Variants in CBLIF observed in about 807,000 individuals in gnomAD.
The protein encoded by CBLIF is gastric intrinsic factor (vitamin B synthesis).
Under a neutral mutation model 44.9 loss-of-function variants are expected in CBLIF, and 24 were observed. The ratio of observed to expected loss-of-function variants is 0.53; its 90% CI spans 0.39 to 0.75. The LOEUF is 0.75. CBLIF is among the 30% of genes least tolerant of loss of function. The probability of loss-of-function intolerance (pLI) is 0.00; values close to 1 mark genes in which losing one functional copy is unlikely to be tolerated. For synonymous variants in CBLIF, 183 were observed against 190.9 expected (o/e 0.96, Z 0.34); for missense variants, 481 against 513.0 (o/e 0.94, Z 0.60).
chr11:59,833,376 G>A (rs1054744544), intron 7 of CBLIF, among the ~76,000 whole-genome samples: 1 of 152,046 alleles, frequency 6.6e-6, no homozygotes. Flanking sequence ...AATTAGCAGG[G>A]CATCGTGGCG....
rs758995474 is a variant in CBLIF, at chr11:59,842,492, G to A, written c.462C>T (p.Ala154=). The A allele has an allele frequency of 3.3e-5, 53 of 1,613,758 alleles. No homozygotes were observed. The Admixed American group carries it at 5.2e-4, about 16-fold the overall frequency. The change falls in exon 4 of 9, where the codon GCC becomes GCT. Residue 154 remains alanine (A), a synonymous_variant. Transcript: ENST00000257248. ...QKNSEATLPI[A]VRFAKTLLAN... ...CCAGCAGGGTCTTGGCAAAGCGGACGGCTATCGGCAAGGTCGCCTCAGAGT... is the reference window on the plus strand; with the variant it reads ...CCAGCAGGGTCTTGGCAAAGCGGACAGCTATCGGCAAGGTCGCCTCAGAGT...
In CBLIF at chr11:59,843,879, C is replaced by T. The variant is rs777817397; in HGVS notation, c.256G>A (p.Asp86Asn). Residue 86 changes from aspartate to asparagine, a missense_variant and splice_region_variant, in exon 2 of 9, where the codon GAT becomes AAT. Transcript: ENST00000257248. Reference sequence around the variant, plus strand: ...AGTGCGAGCGGCTCAGATGTCTCACCGTTGTTGTCGCTGGACATGAGCTGG... The same window carrying T: ...AGTGCGAGCGGCTCAGATGTCTCACTGTTGTTGTCGCTGGACATGAGCTGG... ...TYQLMSSDNN[D>N]LTIGQLGLTI... 10 of 1,610,578 alleles carry T rather than the reference C, an allele frequency of 6.2e-6. No homozygotes were observed. The highest frequency in any genetic ancestry group is 5.3e-5 in the African/African-American group (4 of 74,788).
At position 59,834,549 on chromosome 11, in the gene CBLIF, C is replaced by T. The variant is rs534925969; in HGVS notation, c.1073+1259G>A. On this transcript the variant is annotated intron_variant, in intron 7 of 8. Coordinates refer to ENST00000257248, the MANE Select transcript of CBLIF (RefSeq NM_005142.3). The stretch of plus-strand genomic sequence containing the variant: ...CTGGGACCACAGGCACGCACCACCA[C>T]GCCTGGCTAATTTTTGTACTTTTAG... Among the ~76,000 whole-genome samples, 7 of 151,612 alleles carry T rather than the reference C, an allele frequency of 4.6e-5. No individual in the cohort carries two copies. The East Asian group carries it at 9.7e-4, about 21-fold the overall frequency.
intron 2 of CBLIF, among the ~76,000 whole-genome samples, chr11:59,843,615 A>T (rs1565210330): frequency 1.3e-5 from 2 of 152,186 alleles, no homozygotes; most frequent in Non-Finnish European, 2.9e-5. Flanking sequence ...TCCCAGAGTT[A>T]TGACGTGGCA....
In CBLIF at chr11:59,829,335, T is replaced by C. The variant is rs913333945; in HGVS notation, c.*149A>G. On this transcript the variant is annotated 3_prime_UTR_variant, in exon 9 of 9. Transcript: ENST00000257248. ...TGTTGAGACTCCAGTGAACTTTGCA[T>C]TTTTATTCTACATAGTGGTTCTCCA... 2.3e-5 allele frequency: 15 copies of C among 665,148 alleles called. No individual in the cohort carries two copies. Among genetic ancestry groups the C allele is most frequent in the Non-Finnish European group, 3.9e-5 (14 of 355,896 alleles). 41.2% of individuals were successfully genotyped at this position (665,148 alleles called of 1,614,324 possible). A position where few individuals can be genotyped will look rare whatever the true frequency, so the allele number is the denominator to read the frequency against.
chr11:59,842,528 C>A lies in CBLIF; in HGVS notation c.426G>T (p.Leu142=), dbSNP rs1590860065. The A allele has an allele frequency of 6.2e-7, 1 of 1,613,978 alleles. No individual in the cohort carries two copies. The highest frequency in any genetic ancestry group is 8.5e-7 in the Non-Finnish European group (1 of 1,179,988). ...FYGPSLAILA[L]CQKNSEATLP... ...AGGTCGCCTCAGAGTTCTTCTGGCA[C>A]AGTGCCAAGATCGCTAGACTGGGCC... Residue 142 remains leucine (L), a synonymous_variant, in exon 4 of 9, where the codon CTG becomes CTT. Transcript: ENST00000257248.
At position 59,837,178 on chromosome 11, in the gene CBLIF, A is replaced by C; in HGVS notation, c.867T>G (p.Ser289Arg). The C allele has an allele frequency of 6.2e-7, 1 of 1,612,066 alleles. No individual in the cohort carries two copies. Among genetic ancestry groups the C allele is most frequent in the Non-Finnish European group, 8.5e-7 (1 of 1,178,104 alleles). ...TYLDVPQVTC[S>R]PDHEVQPTLP... ...AAGGAGAGGTGGATGTCTTACCAGGACTACAAGTGACCTGGGGCACATCTA... is the reference window on the plus strand; with the variant it reads ...AAGGAGAGGTGGATGTCTTACCAGGCCTACAAGTGACCTGGGGCACATCTA... The change falls in exon 6 of 9, where the codon AGT becomes AGG. Residue 289 changes from serine to arginine, a missense_variant. Transcript: ENST00000257248.
chr11:59,835,721 GAAA>G (rs544589103), intron 7 of CBLIF, 84 bp downstream of exon 7: 8 of 1,104,690 alleles, frequency 7.2e-6, no homozygotes, highest in Non-Finnish European at 9.8e-6. Flanking sequence ...TTATCAAAAG[GAAA>G]AAAATTAGGA....
chr11:59,845,132 G>T, intron 1 of CBLIF: 1 of 508,384 alleles, frequency 2.0e-6, no homozygotes, highest in Non-Finnish European at 3.8e-6. Flanking sequence ...CAAAGTGCTG[G>T]GATTACAGGT....
At chr11:59,844,803 A>G (rs1866585181) in intron 1 of CBLIF, among the ~76,000 whole-genome samples, 1 of 152,106 alleles carries the variant, frequency 6.6e-6, no homozygotes, top group Admixed American at 6.6e-5. Flanking sequence ...CTGTCTTTGT[A>G]CCATCAACCA....
At position 59,829,416 on chromosome 11, in the gene CBLIF, A is replaced by T; in HGVS notation, c.*68T>A. The T allele has an allele frequency of 2.0e-6, 2 of 988,344 alleles. No individual in the cohort carries two copies. The highest frequency in any genetic ancestry group is 3.3e-6 in the Non-Finnish European group (2 of 609,774). The allele number at this position is 988,344 out of a possible 1,614,324, so 61.2% of individuals were successfully genotyped here. The stretch of plus-strand genomic sequence containing the variant: ...GGCATTCGCTTTTTTGCATAGATTT[A>T]AAATGAAGTGGAAAAAATTTCACCC... On this transcript the variant is annotated 3_prime_UTR_variant, in exon 9 of 9. Transcript: ENST00000257248.
Position 59,829,360 on chromosome 11 carries a change from A to G in CBLIF, c.*124T>C, listed in dbSNP as rs967331944. The G allele has an allele frequency of 5.6e-6, 4 of 710,972 alleles. No individual in the cohort carries two copies. Among genetic ancestry groups the G allele is most frequent in the Non-Finnish European group, 7.8e-6 (3 of 382,722 alleles). The allele number at this position is 710,972 out of a possible 1,614,324, so 44.0% of individuals were successfully genotyped here. On this transcript the variant is annotated 3_prime_UTR_variant, in exon 9 of 9. Coordinates refer to ENST00000257248, the MANE Select transcript of CBLIF (RefSeq NM_005142.3). ...TTTTTATTCTACATAGTGGTTCTCCATGTTTTTACCAGGAATATGGTAGCA... is the reference window on the plus strand; with the variant it reads ...TTTTTATTCTACATAGTGGTTCTCCGTGTTTTTACCAGGAATATGGTAGCA...
chr11:59,840,330 A>G (rs769057439), intron 5 of CBLIF, among the ~76,000 whole-genome samples: 2 of 152,140 alleles, frequency 1.3e-5, no homozygotes, highest in Admixed American at 6.6e-5. Context: ...CCCTGGTCCT[A>G]TTAATCCCCA....
chr11:59,834,153 A>G (rs1380842029), intron 7 of CBLIF, among the ~76,000 whole-genome samples: 1 of 152,040 alleles, frequency 6.6e-6, no homozygotes, highest in Non-Finnish European at 1.5e-5. Context: ...TGACTGTCCA[A>G]TTTATTTTTT....
At chr11:59,836,164 T>A (rs1866454446) in intron 6 of CBLIF, among the ~76,000 whole-genome samples, 155 bp from the exon 7 acceptor site, 1 of 152,218 alleles carries the variant, frequency 6.6e-6, no homozygotes, top group Non-Finnish European at 1.5e-5. Context: ...TAGCATAGAA[T>A]TCCGGCAAAA....
chr11:59,839,157 C>A (rs904474339), intron 5 of CBLIF, among the ~76,000 whole-genome samples: 2 of 152,102 alleles, frequency 1.3e-5, no homozygotes, highest in Non-Finnish European at 2.9e-5. Context: ...CCTATCAGAT[C>A]CCTTTTCAAG....
At position 59,842,500 on chromosome 11, in the gene CBLIF, G is replaced by A. The variant is rs1179182199; in HGVS notation, c.454C>T (p.Pro152Ser). 2 of 1,613,872 alleles carry A rather than the reference G, an allele frequency of 1.2e-6. No individual in the cohort carries two copies. The highest frequency in any genetic ancestry group is 2.2e-5 in the South Asian group (2 of 91,064). The change falls in exon 4 of 9, where the codon CCG becomes TCG. Residue 152 changes from proline (P) to serine (S), a missense_variant. Transcript: ENST00000257248. ...LCQKNSEATL[P>S]IAVRFAKTLL... ...GTCTTGGCAAAGCGGACGGCTATCGGCAAGGTCGCCTCAGAGTTCTTCTGG... is the reference window on the plus strand; with the variant it reads ...GTCTTGGCAAAGCGGACGGCTATCGACAAGGTCGCCTCAGAGTTCTTCTGG...
intron 7 of CBLIF, among the ~76,000 whole-genome samples, chr11:59,832,540 C>A (rs1196853387): frequency 1.3e-5 from 2 of 152,090 alleles, no homozygotes; most frequent in Non-Finnish European, 2.9e-5. Flanking sequence ...GCAATCCCAG[C>A]ACTTTGGGAG....
chr11:59,840,244 C>T (rs1028418607), intron 5 of CBLIF, among the ~76,000 whole-genome samples: 6 of 152,154 alleles, frequency 3.9e-5, no homozygotes, highest in East Asian at 1.9e-4. Flanking sequence ...TCTAATAGTC[C>T]GCAACTATGT....
Sources: gnomAD v4.1 joint callset for allele counts (sites outside exome capture counted in the v4.1 genomes callset) on GRCh38, gnomAD v4.1.1 for gene constraint, MANE v1.5 for transcripts, NCBI Gene and HGNC (gene_info 2026-07-23, HGNC 2026-07-21) for gene names.